Variants in ABCC12 observed in about 807,000 individuals in gnomAD.
ABCC12 encodes the protein ATP binding cassette subfamily C member 12.
A neutral mutation model predicts 151.1 loss-of-function variants in ABCC12; 142 were observed. The observed-to-expected ratio is 0.94, with a 90% confidence interval of 0.82 to 1.08. The LOEUF (loss-of-function observed/expected upper bound fraction) is 1.08. Among genes scored for constraint, ABCC12 ranks in the 50% least tolerant of loss-of-function variants. The pLI, the probability that ABCC12 is intolerant of heterozygous loss-of-function variation, is 0.00. For synonymous variants in ABCC12, 645 were observed against 646.4 expected (o/e 1.00, Z 0.03); for missense variants, 1,638 against 1,691.1 (o/e 0.97, Z 0.55).
Position 48,122,943 on chromosome 16 carries a change from G to A in ABCC12, c.1588-1103C>T, listed in dbSNP as rs559810410. 7.9e-5 allele frequency among the ~76,000 whole-genome samples: 12 copies of A among 152,308 alleles called. 1 individual carries two copies. In the South Asian group the frequency reaches 2.1e-3, roughly 26 times the overall value. ...AAGTGGTTTCATGAGGCTCAGAGAGGTTAAGTTACCTGCCCAAGGCTAAAT... is the reference window on the plus strand; with the variant it reads ...AAGTGGTTTCATGAGGCTCAGAGAGATTAAGTTACCTGCCCAAGGCTAAAT... On this transcript the variant is annotated intron_variant, in intron 12 of 30. Transcript: ENST00000311303.
chr16:48,107,321 C>A lies in ABCC12; in HGVS notation c.2475+1G>T. ...TCTTCCAATGCCAAAGGGAAACTCA[C>A]CCGTGAGCCCTTGTCCAACCAGAGA... On this transcript the variant is annotated splice_donor_variant, in intron 20 of 30. Coordinates refer to ENST00000311303, the MANE Select transcript of ABCC12 (RefSeq NM_001393797.1). LOFTEE classifies it high-confidence loss of function. The A allele has an allele frequency of 6.2e-7, 1 of 1,613,926 alleles. No individual in the cohort carries two copies. Among genetic ancestry groups the A allele is most frequent in the Non-Finnish European group, 8.5e-7 (1 of 1,179,848 alleles).
Position 48,150,816 on chromosome 16 carries a change from G to A in ABCC12, c.-51+2800C>T, listed in dbSNP as rs76575740. Among the ~76,000 whole-genome samples the A allele has an allele frequency of 7.8e-3, 1,184 of 152,086 alleles. 15 individuals are homozygous for A. The highest frequency in any genetic ancestry group is 0.026 in the African/African-American group (1,090 of 41,478). ...TCTATAAATATTTCTATATGTAACCGTCCATATCTATTTTAAGCTAACAGT... is the reference window on the plus strand; with the variant it reads ...TCTATAAATATTTCTATATGTAACCATCCATATCTATTTTAAGCTAACAGT... On this transcript the variant is annotated intron_variant, in intron 2 of 30. Coordinates refer to ENST00000311303, the MANE Select transcript of ABCC12 (RefSeq NM_001393797.1).
At chr16:48,101,097 C>A in intron 22 of ABCC12, 88 bp from the exon 23 acceptor site, 1 of 1,461,914 alleles carries the variant, frequency 6.8e-7, no homozygotes, top group South Asian at 1.3e-5. Context: ...ACTAGGCACT[C>A]AGCACAGTGC....
chr16:48,141,080 C>T (rs1019153898), intron 5 of ABCC12, 126 bp downstream of exon 5: 15 of 1,426,746 alleles, frequency 1.1e-5, no homozygotes, highest in South Asian at 2.8e-5. Flanking sequence ...TATGAAAATT[C>T]GCCCCCAAGG....
chr16:48,154,246 G>T (rs980531302), intron 1 of ABCC12, among the ~76,000 whole-genome samples: 1 of 152,296 alleles, frequency 6.6e-6, no homozygotes, highest in Admixed American at 6.5e-5. Context: ...AAGCAGGAAG[G>T]CCTCTGTTTA....
At chr16:48,093,316 A>G (rs1962979695) in intron 24 of ABCC12, among the ~76,000 whole-genome samples, 1 of 152,142 alleles carries the variant, frequency 6.6e-6, no homozygotes, top group Non-Finnish European at 1.5e-5. Context: ...TGCTCAAGCC[A>G]TGTGGGCTTC....
intron 3 of ABCC12, 93 bp downstream of exon 3, chr16:48,146,213 A>G: frequency 9.2e-7 from 1 of 1,089,426 alleles, no homozygotes. Context: ...CAGATAGAGC[A>G]GCAGATGGGT....
chr16:48,128,630 G>T lies in ABCC12; in HGVS notation c.1344C>A (p.Ser448Arg). 6.2e-7 allele frequency: 1 copy of T among 1,614,158 alleles called. No individual in the cohort carries two copies. Among genetic ancestry groups the T allele is most frequent in the East Asian group, 2.2e-5 (1 of 44,886 alleles). The change falls in exon 11 of 31, where the codon AGC becomes AGA. Residue 448 changes from serine to arginine, a missense_variant. Physicochemically the swap from Ser to Arg is moderately radical, Grantham distance 110. Coordinates refer to ENST00000311303, the MANE Select transcript of ABCC12 (RefSeq NM_001393797.1). ...NATLTWEHEA[S>R]RKSTPKKLQN... ...GCAATTTCTTTGGGGTACTTTTCCT[G>T]CTGGCTTCATGCTCCCATGTCAAGG...
chr16:48,100,828 C>T (rs1340208279), intron 23 of ABCC12, 44 bp downstream of exon 23: 2 of 1,599,940 alleles, frequency 1.3e-6, no homozygotes, highest in Non-Finnish European at 1.7e-6. Context: ...CGGAGTCAGG[C>T]ATGAAGCATG....
At chr16:48,137,412 A>C (rs897710049) in intron 8 of ABCC12, among the ~76,000 whole-genome samples, 1 of 152,240 alleles carries the variant, frequency 6.6e-6, no homozygotes, top group African/African-American at 2.4e-5. Context: ...AATTTAATCA[A>C]ATCAAATTAA....
chr16:48,149,889 A>G (rs1239360076), intron 2 of ABCC12, among the ~76,000 whole-genome samples: 2 of 152,216 alleles, frequency 1.3e-5, no homozygotes, highest in Admixed American at 6.5e-5. Flanking sequence ...AATAACAGCC[A>G]TTTCTCATTC....
chr16:48,083,709 G>A lies in ABCC12; in HGVS notation c.*6C>T. On this transcript the variant is annotated 3_prime_UTR_variant, in exon 31 of 31. Transcript: ENST00000311303. ...CTTCCTCCTCTAGAATCAGCCGCCA[G>A]GACCTCTACAATCTGACTTCTGCTG... is the stretch of plus-strand genomic sequence containing the variant. The A allele has an allele frequency of 6.2e-7, 1 of 1,614,052 alleles. No individual in the cohort carries two copies. The highest frequency in any genetic ancestry group is 8.5e-7 in the Non-Finnish European group (1 of 1,179,962).
intron 2 of ABCC12, among the ~76,000 whole-genome samples, chr16:48,149,796 G>A (rs1567460036): frequency 6.6e-6 from 1 of 152,102 alleles, no homozygotes; most frequent in Non-Finnish European, 1.5e-5. Context: ...CCAGCAAAAG[G>A]CAATTGACAG....
intron 26 of ABCC12, 152 bp downstream of exon 26, chr16:48,088,393 C>A: frequency 4.2e-6 from 4 of 955,906 alleles, no homozygotes; most frequent in Non-Finnish European, 4.6e-6. Context: ...CCCATTCAAC[C>A]TGAAATCCTA....
chr16:48,140,847 C>T lies in ABCC12; in HGVS notation c.497G>A (p.Cys166Tyr). ...SGKVWVGIGL[C>Y]IALFATEFTK... ...AAACTCGGTGGCAAAAAGGGCTATGCACAGTCCAATGCCAACCCAGACTTT... is the reference window on the plus strand; with the variant it reads ...AAACTCGGTGGCAAAAAGGGCTATGTACAGTCCAATGCCAACCCAGACTTT... The change falls in exon 6 of 31, where the codon TGC (cysteine) becomes TAC (tyrosine). Residue 166 changes from cysteine to tyrosine, a missense_variant. Coordinates refer to ENST00000311303, the MANE Select transcript of ABCC12 (RefSeq NM_001393797.1). The T allele has an allele frequency of 6.2e-7, 1 of 1,614,104 alleles. No homozygotes were observed. The highest frequency in any genetic ancestry group is 8.5e-7 in the Non-Finnish European group (1 of 1,180,024).
intron 2 of ABCC12, among the ~76,000 whole-genome samples, chr16:48,151,975 AT>A (rs1324782083): frequency 6.6e-6 from 1 of 152,056 alleles, no homozygotes; most frequent in Non-Finnish European, 1.5e-5. Context: ...CCAAACAGAG[AT>A]TTTTGCCTGA....
At chr16:48,114,496 C>T (rs951731947) in intron 15 of ABCC12, among the ~76,000 whole-genome samples, 1 of 152,164 alleles carries the variant, frequency 6.6e-6, no homozygotes, top group Non-Finnish European at 1.5e-5. Flanking sequence ...ATGTTCTCTG[C>T]AGGTAGCAGG....
At chr16:48,104,022 C>T in intron 22 of ABCC12, 120 bp downstream of exon 22, 1 of 1,099,318 alleles carries the variant, frequency 9.1e-7, no homozygotes, top group South Asian at 1.6e-5. Flanking sequence ...TTACTAAGTA[C>T]AAAAAAAATC....
intron 15 of ABCC12, among the ~76,000 whole-genome samples, chr16:48,114,015 C>A (rs533548077): frequency 2.6e-5 from 4 of 152,312 alleles, no homozygotes; most frequent in Admixed American, 2.0e-4. Flanking sequence ...TGGGCCAGAG[C>A]CCATTCTGTC....
Sources: allele counts gnomAD v4.1 joint callset (sites outside exome capture counted in the v4.1 genomes callset), GRCh38; gene constraint gnomAD v4.1.1; transcripts MANE v1.5; gene names NCBI Gene and HGNC (gene_info 2026-07-23, HGNC 2026-07-21).